Variants in NMT2 observed in about 807,000 individuals in gnomAD.
NMT2 encodes the protein glycylpeptide N-tetradecanoyltransferase 2.
In NMT2, 35 loss-of-function variants were observed where a neutral mutation model predicts 65.4. That is an observed-to-expected ratio of 0.54 (90% confidence interval 0.41 to 0.71). NMT2 has a LOEUF of 0.71. Ranked by LOEUF, NMT2 falls within the 30% of genes least tolerant of loss-of-function variation. NMT2 has a pLI of 0.00. For missense variants in NMT2, 489 were observed against 611.3 expected, an observed-to-expected ratio of 0.80 and a Z score of 2.11; for synonymous variants, 226 against 231.8, an observed-to-expected ratio of 0.98 and a Z score of 0.23.
intron 8 of NMT2, among the ~76,000 whole-genome samples, chr10:15,126,323 G>C (rs1377573278): frequency 6.6e-6 from 1 of 151,912 alleles, no homozygotes; most frequent in Non-Finnish European, 1.5e-5. Context: ...CAGCTACTTG[G>C]GAGGCTGAGG....
chr10:15,133,317 G>A lies in NMT2; in HGVS notation c.438C>T (p.Asn146=), dbSNP rs267602426. 18 of 1,613,964 alleles carry A rather than the reference G, an allele frequency of 1.1e-5. No individual in the cohort carries two copies. Among genetic ancestry groups the A allele is most frequent in the South Asian group, 4.4e-5 (4 of 91,094 alleles). The change falls in exon 4 of 12, where the codon AAC becomes AAT. Residue 146 remains asparagine, a synonymous_variant. Coordinates refer to ENST00000378165, the MANE Select transcript of NMT2 (RefSeq NM_004808.3). ...SHGAIEPDKD[N]VRQEPYSLPQ... ...GCAAAGAATACGGTTCTTGGCGTAC[G>A]TTGTCTTTATCTGGTTCAATTGCAC...
intron 1 of NMT2, among the ~76,000 whole-genome samples, chr10:15,144,291 T>C (rs1275265435): frequency 1.3e-5 from 2 of 152,170 alleles, no homozygotes; most frequent in Non-Finnish European, 2.9e-5. Context: ...TGATAGCATT[T>C]ATACAATGAT....
In NMT2 at chr10:15,130,130, T is replaced by C. The variant is rs200169674; in HGVS notation, c.890+12A>G. The C allele has an allele frequency of 1.4e-4, 206 of 1,459,116 alleles. No individual in the cohort carries two copies. In the East Asian group the frequency reaches 4.5e-3, roughly 32 times the overall value. 90.4% of individuals were successfully genotyped at this position (1,459,116 alleles called of 1,614,324 possible). A position where few individuals can be genotyped will look rare whatever the true frequency, so the allele number is the denominator to read the frequency against. ...AAAGGGAGGACCTGAGGTAGAAATA[T>C]GGTACTGGTACCTGCATGTGGCTAT... On this transcript the variant is annotated intron_variant, in intron 7 of 11. Transcript: ENST00000378165.
chr10:15,133,434 A>G, intron 3 of NMT2, 71 bp from the exon 4 acceptor site: 1 of 1,233,254 alleles, frequency 8.1e-7, no homozygotes, highest in South Asian at 1.2e-5. Flanking sequence ...TATTCTAACC[A>G]TCCAAAGTGG....
At chr10:15,135,466 G>C (rs1473558810) in intron 2 of NMT2, 48 bp from the exon 3 acceptor site, 29 of 1,599,404 alleles carry the variant, frequency 1.8e-5, no homozygotes, top group Non-Finnish European at 2.3e-5. Context: ...GGCTGCTGAT[G>C]TTAAACTTGA....
In NMT2 at chr10:15,120,970, A is replaced by C. The variant is rs184199860; in HGVS notation, c.1000-1457T>G. 3.8e-3 allele frequency among the ~76,000 whole-genome samples: 578 copies of C among 152,274 alleles called. 3 individuals carry two copies. Among genetic ancestry groups the C allele is most frequent in the African/African-American group, 0.013 (546 of 41,554 alleles). On this transcript the variant is annotated intron_variant, in intron 8 of 11. Coordinates refer to ENST00000378165, the MANE Select transcript of NMT2 (RefSeq NM_004808.3). ...TTAAGCCATAGGAATAAAACACCTA[A>C]AAGTCAGGACAGGTCCCCATTTGAA...
chr10:15,107,706 T>C lies in NMT2; in HGVS notation c.*1489A>G. The C allele has an allele frequency of 2.2e-6, 2 of 915,468 alleles. No homozygotes were observed. Among genetic ancestry groups the C allele is most frequent in the African/African-American group, 1.8e-5 (1 of 55,664 alleles). 56.7% of individuals were successfully genotyped at this position (915,468 alleles called of 1,614,324 possible). A position where few individuals can be genotyped will look rare whatever the true frequency, so the allele number is the denominator to read the frequency against. On this transcript the variant is annotated 3_prime_UTR_variant, in exon 12 of 12. Transcript: ENST00000378165. The stretch of plus-strand genomic sequence containing the variant: ...CTGACCTCAAATGTTTCGCCCGCCT[T>C]GGCCTCCCAAAGTGCTGGGATTACA...
intron 2 of NMT2, among the ~76,000 whole-genome samples, chr10:15,137,954 A>G (rs2131564325): frequency 6.6e-6 from 1 of 150,968 alleles, no homozygotes. Context: ...TTTGCGAAAC[A>G]TTGATATCCC....
chr10:15,152,399 G>T (rs1264605815), intron 1 of NMT2, among the ~76,000 whole-genome samples: 5 of 152,210 alleles, frequency 3.3e-5, no homozygotes, highest in African/African-American at 4.8e-5. Context: ...ACAAGACAAG[G>T]AGCAAGTGGC....
intron 1 of NMT2, among the ~76,000 whole-genome samples, chr10:15,161,650 A>G (rs1833202802): frequency 6.6e-6 from 1 of 152,046 alleles, no homozygotes; most frequent in African/African-American, 2.4e-5. Flanking sequence ...GCGAGCCACC[A>G]CGCCTGGCCG....
rs186424854 is a variant in NMT2, at chr10:15,144,088, T to C, written c.111-2531A>G. 2.8e-4 allele frequency among the ~76,000 whole-genome samples: 42 copies of C among 152,300 alleles called. No individual in the cohort carries two copies. The East Asian group carries it at 7.5e-3, about 27-fold the overall frequency. ...ATTGATGCTACACATCAAAACTTTT[T>C]TTTCTTCCAAACGGTGTTGCTAAAA... is the stretch of plus-strand genomic sequence containing the variant. On this transcript the variant is annotated intron_variant, in intron 1 of 11. Transcript: ENST00000378165.
chr10:15,136,929 T>C (rs963274157), intron 2 of NMT2, among the ~76,000 whole-genome samples: 10 of 151,880 alleles, frequency 6.6e-5, no homozygotes, highest in African/African-American at 2.4e-4. Context: ...TGGAAATCAA[T>C]GACTTTTTTC....
intron 8 of NMT2, 101 bp from the exon 9 acceptor site, chr10:15,119,614 G>C: frequency 1.1e-6 from 1 of 897,486 alleles, no homozygotes; most frequent in Non-Finnish European, 1.8e-6. Flanking sequence ...AGAATGAGCA[G>C]CACGCGGGAG....
chr10:15,148,351 A>T (rs1194488147), intron 1 of NMT2, among the ~76,000 whole-genome samples: 1 of 152,174 alleles, frequency 6.6e-6, no homozygotes, highest in Non-Finnish European at 1.5e-5. Flanking sequence ...CTTTACAAAA[A>T]ATAAAAAATT....
At chr10:15,117,559 A>G (rs1420908303) in intron 9 of NMT2, among the ~76,000 whole-genome samples, 1 of 152,218 alleles carries the variant, frequency 6.6e-6, no homozygotes, top group Non-Finnish European at 1.5e-5. Flanking sequence ...TTAATGCAAG[A>G]CCAATAAATA....
intron 1 of NMT2, among the ~76,000 whole-genome samples, chr10:15,152,648 T>C (rs570008981): frequency 4.9e-4 from 74 of 152,354 alleles, no homozygotes; most frequent in Middle Eastern, 3.4e-3. Flanking sequence ...CAGGACAAAG[T>C]ATGTACTTGT....
chr10:15,122,189 A>G lies in NMT2; in HGVS notation c.1000-2676T>C, dbSNP rs192886779. 1.6e-3 allele frequency among the ~76,000 whole-genome samples: 240 copies of G among 152,322 alleles called. 1 individual carries two copies. Among genetic ancestry groups the G allele is most frequent in the Middle Eastern group, 3.4e-3 (1 of 294 alleles). ...GTTACTGGTTCAGTAACAATCAACA[A>G]TATCAAGCAATTAGATGAATTAATG... On this transcript the variant is annotated intron_variant, in intron 8 of 11. Coordinates refer to ENST00000378165, the MANE Select transcript of NMT2 (RefSeq NM_004808.3).
At chr10:15,113,500 T>C (rs548849358) in intron 9 of NMT2, among the ~76,000 whole-genome samples, 411 of 125,052 alleles carry the variant, frequency 3.3e-3, no homozygotes, top group Non-Finnish European at 4.8e-3. Context: ...GAAAGAAAGA[T>C]AGAAGCAGAA....
intron 1 of NMT2, among the ~76,000 whole-genome samples, chr10:15,142,239 G>A (rs1199914126): frequency 6.6e-6 from 1 of 152,206 alleles, no homozygotes; most frequent in Non-Finnish European, 1.5e-5. Context: ...AAAGGCATGT[G>A]CAATAGTGAG....
Sources: gnomAD v4.1 joint callset for allele counts (sites outside exome capture counted in the v4.1 genomes callset) on GRCh38, gnomAD v4.1.1 for gene constraint, MANE v1.5 for transcripts, NCBI Gene and HGNC (gene_info 2026-07-23, HGNC 2026-07-21) for gene names.